Variants in DVL1 observed in about 807,000 individuals in gnomAD.
DVL1 encodes dishevelled segment polarity protein 1.
Under a neutral mutation model 65.0 loss-of-function variants are expected in DVL1, and 49 were observed. That is an observed-to-expected ratio of 0.75 (90% CI 0.60 to 0.96). DVL1 has a LOEUF of 0.96. Among genes scored for constraint, DVL1 ranks in the 40% least tolerant of loss-of-function variants. DVL1 has a pLI of 0.00. For synonymous variants in DVL1, 608 were observed against 433.9 expected, an observed-to-expected ratio of 1.40 and a Z score of -4.99; for missense variants, 1,197 against 1,045.4, an observed-to-expected ratio of 1.15 and a Z score of -2.00.
At chr1:1,343,922 G>T (rs1180502565) in intron 1 of DVL1, among the ~76,000 whole-genome samples, 1 of 152,198 alleles carries the variant, frequency 6.6e-6, no homozygotes, top group Non-Finnish European at 1.5e-5. Context: ...TCCACCCCCA[G>T]GTCAGATAGG....
Position 1,339,554 on chromosome 1 carries a change from C to T in DVL1, c.1054+28G>A, listed in dbSNP as rs200514954. The T allele has an allele frequency of 6.0e-4, 947 of 1,586,374 alleles. 1 individual carries two copies. The highest frequency in any genetic ancestry group is 7.2e-4 in the Non-Finnish European group (838 of 1,167,218). ...CTAGGTAGGCGCCCCCTCCCCATCCCGCCCCGTGTGCCCCGAGGGCCACTC... is the reference window on the plus strand; with the variant it reads ...CTAGGTAGGCGCCCCCTCCCCATCCTGCCCCGTGTGCCCCGAGGGCCACTC... On this transcript the variant is annotated intron_variant, in intron 10 of 14. Coordinates refer to ENST00000378888, the MANE Select transcript of DVL1 (RefSeq NM_001330311.2).
Position 1,340,407 on chromosome 1 carries a change from T to C in DVL1, c.699+3A>G. The C allele has an allele frequency of 6.2e-7, 1 of 1,610,178 alleles. No individual in the cohort carries two copies. On this transcript the variant is annotated splice_donor_region_variant and intron_variant, in intron 6 of 14. Transcript: ENST00000378888. ...CCCCGCCCTGCTCCACCCGGCTGCC[T>C]ACCCGGTCCGCCTGCCGAAGGCGCT...
At chr1:1,338,498 C>A in intron 12 of DVL1, 24 bp downstream of exon 12, 1 of 1,611,550 alleles carries the variant, frequency 6.2e-7, no homozygotes, top group Non-Finnish European at 8.5e-7. Context: ...CTGGCACTAT[C>A]CGCCCGCGGG....
chr1:1,339,742 T>G lies in DVL1; in HGVS notation c.980A>C (p.Gln327Pro). The G allele has an allele frequency of 6.2e-7, 1 of 1,613,028 alleles. No homozygotes were observed. The highest frequency in any genetic ancestry group is 8.5e-7 in the Non-Finnish European group (1 of 1,179,878). The part of the protein sequence containing the change: ...AVRVLREIVS[Q>P]TGPISLTVAK... ...CAGCGCCCCCAGCCCTCACCCCGTC[T>G]GGGAAACGATCTCCCGCAGCACCCG... The change falls in exon 9 of 15, where the codon CAG (glutamine) becomes CCG (proline). Residue 327 changes from glutamine (Q) to proline (P), a missense_variant. Transcript: ENST00000378888.
rs1322100520 is a variant in DVL1 at position 1,337,979 on chromosome 1, T to C, written c.1712A>G (p.Glu571Gly). The change falls in exon 14 of 15, where the codon GAA becomes GGA. Residue 571 changes from glutamate (E) to glycine (G), a missense_variant and splice_region_variant. By Grantham distance (98) the Glu-to-Gly change is moderately conservative. Coordinates refer to ENST00000378888, the MANE Select transcript of DVL1 (RefSeq NM_001330311.2). ...GCAGGTAGGGGCGGCGTTCTCACCT[T>C]CACTCTGCTGACTCCCGGTGCTGCC... The part of the protein sequence containing the change: ...GSGSTGSQQS[E>G]GSKSSGSTRS... 1 of 1,611,050 alleles carries C rather than the reference T, an allele frequency of 6.2e-7. No individual in the cohort carries two copies. The highest frequency in any genetic ancestry group is 8.5e-7 in the Non-Finnish European group (1 of 1,179,518).
rs1318599519 is a variant in DVL1, at chr1:1,349,200, G to A, written c.-135C>T. On this transcript the variant is annotated 5_prime_UTR_variant, in exon 1 of 15. Transcript: ENST00000378888. This position sits in a 1 kb window ranked among gnomAD's most constrained non-coding sequence, Gnocchi z 4.1. ...CCCCGACGCTCCGAGGCCCCCGGGC[G>A]CCCCCGCCCGACCGCCCAGGCCCCG... The A allele has an allele frequency of 4.5e-6, 2 of 448,382 alleles. No individual in the cohort carries two copies. The highest frequency in any genetic ancestry group is 5.8e-6 in the Non-Finnish European group (2 of 343,236). The allele number at this position is 448,382 out of a possible 1,614,324, so 27.8% of individuals were successfully genotyped here.
intron 5 of DVL1, among the ~76,000 whole-genome samples, chr1:1,340,995 T>C (rs1569713115): frequency 9.2e-6 from 1 of 108,900 alleles, no homozygotes; most frequent in East Asian, 3.0e-4. Context: ...CACACCTGCA[T>C]ACTCACCTGC....
intron 5 of DVL1, among the ~76,000 whole-genome samples, chr1:1,340,901 G>A (rs1306768854): frequency 1.6e-4 from 21 of 130,376 alleles, no homozygotes; most frequent in South Asian, 1.3e-3. Context: ...GCACACGCAC[G>A]CATGAACACA....
At chr1:1,337,949 G>T in intron 14 of DVL1, 28 bp downstream of exon 14, 1 of 1,592,224 alleles carries the variant, frequency 6.3e-7, no homozygotes, top group Non-Finnish European at 8.6e-7. Context: ...CGGAGCCGGG[G>T]AAGGGCAGGT....
chr1:1,345,042 G>A lies in DVL1; in HGVS notation c.171-2284C>T, dbSNP rs528810416. Reference sequence around the variant, plus strand: ...CCAGCACCCTCTGACTCACTGGAGGGAGACTCGGCCACCCAGCACCCCAGT... The same window carrying A: ...CCAGCACCCTCTGACTCACTGGAGGAAGACTCGGCCACCCAGCACCCCAGT... On this transcript the variant is annotated intron_variant, in intron 1 of 14. Coordinates refer to ENST00000378888, the MANE Select transcript of DVL1 (RefSeq NM_001330311.2). Among the ~76,000 whole-genome samples the A allele has an allele frequency of 3.6e-4, 54 of 151,356 alleles. 1 individual carries two copies. The highest frequency in any genetic ancestry group is 2.4e-3 in the Admixed American group (37 of 15,254).
At chr1:1,345,272 C>G (rs1643899847) in intron 1 of DVL1, among the ~76,000 whole-genome samples, 1 of 152,208 alleles carries the variant, frequency 6.6e-6, no homozygotes, top group African/African-American at 2.4e-5. Flanking sequence ...CAGGGTGTAA[C>G]AAGTCCTCCC....
At chr1:1,341,050 C>T (rs557539857) in intron 5 of DVL1, among the ~76,000 whole-genome samples, 1 of 149,720 alleles carries the variant, frequency 6.7e-6, no homozygotes, top group African/African-American at 2.5e-5. Context: ...CGCACCCCTG[C>T]ACACACATGC....
In DVL1 at chr1:1,337,783, AC is replaced by A. The variant is rs1456354448; in HGVS notation, c.1714+193del. On this transcript the variant is annotated intron_variant, in intron 14 of 14. Transcript: ENST00000378888. ...CACTTGCCTTTTCCAGAAGGAGCCC[AC>A]CCAGGGCCCAAGTACACAGCAGGAG... 4.2e-6 allele frequency: 3 copies of A among 707,466 alleles called. No homozygotes were observed. In the African/African-American group the frequency reaches 5.3e-5, roughly 12 times the overall value. The allele number at this position is 707,466 out of a possible 1,614,324, so 43.8% of individuals were successfully genotyped here.
intron 7 of DVL1, 30 bp downstream of exon 7, chr1:1,340,217 C>T: frequency 6.2e-7 from 1 of 1,613,874 alleles, no homozygotes; most frequent in Non-Finnish European, 8.5e-7. Context: ...GCCCCTGCCC[C>T]TGCCCCCAAC....
chr1:1,342,221 C>G, intron 3 of DVL1, 65 bp from the exon 4 acceptor site: 2 of 1,509,018 alleles, frequency 1.3e-6, no homozygotes, highest in South Asian at 2.4e-5. Context: ...CCGCCCAGCC[C>G]AGCCTCCCCT....
chr1:1,342,314 C>G (rs1643861737), intron 3 of DVL1, 49 bp downstream of exon 3: 2 of 1,523,912 alleles, frequency 1.3e-6, no homozygotes, highest in Non-Finnish European at 1.8e-6. Context: ...GCCAGCAACC[C>G]CCATGACAGG....
intron 5 of DVL1, among the ~76,000 whole-genome samples, chr1:1,341,191 GCACACGCACACCTGCA>G (rs950445762): frequency 1.9e-4 from 26 of 136,384 alleles, no homozygotes; most frequent in African/African-American, 7.3e-4. Context: ...ACGCACATCT[GCACACGCACACCTGCA>G]CACACGCACA....
Position 1,340,392 on chromosome 1 carries a change from C to G in DVL1, c.699+18G>C, listed in dbSNP as rs765983354. On this transcript the variant is annotated intron_variant, in intron 6 of 14. Transcript: ENST00000378888. ...ACTTCGCCTCCCCAGCCCCGCCCTGCTCCACCCGGCTGCCTACCCGGTCCG... is the reference window on the plus strand; with the variant it reads ...ACTTCGCCTCCCCAGCCCCGCCCTGGTCCACCCGGCTGCCTACCCGGTCCG... The G allele has an allele frequency of 3.1e-6, 5 of 1,612,070 alleles. No individual in the cohort carries two copies. The South Asian group carries it at 5.5e-5, about 18-fold the overall frequency.
rs1304620785 is a variant in DVL1, at chr1:1,340,491, G to A, written c.618C>T (p.Ser206=). The A allele has an allele frequency of 6.2e-7, 1 of 1,605,888 alleles. No individual in the cohort carries two copies. The highest frequency in any genetic ancestry group is 1.3e-5 in the African/African-American group (1 of 74,868). The change falls in exon 6 of 15, where the codon TCC becomes TCT. Residue 206 remains serine (S), a synonymous_variant. Coordinates refer to ENST00000378888, the MANE Select transcript of DVL1 (RefSeq NM_001330311.2). The part of the protein sequence containing the change: ...EDGSTSRLSS[S]TEQSTSSRLI... The stretch of plus-strand genomic sequence containing the variant: ...GTCTGGATGAGGTGCTCTGCTCCGT[G>A]GAGCTGCTGAGCCTGGGAACAGACT...
Sources: gnomAD v4.1 joint callset for allele counts (sites outside exome capture counted in the v4.1 genomes callset) on GRCh38, gnomAD v4.1.1 for gene constraint, Gnocchi (gnomAD v3.1) non-coding constraint, MANE v1.5 for transcripts, NCBI Gene and HGNC (gene_info 2026-07-23, HGNC 2026-07-21) for gene names.